Variants in EIF2B3 observed in about 807,000 individuals in gnomAD.
The protein encoded by EIF2B3 is translation initiation factor eIF2B subunit gamma.
EIF2B3 carries 20 observed loss-of-function variants against 54.1 expected under a neutral mutation model. That is an observed-to-expected ratio of 0.37 (90% CI 0.26 to 0.54). EIF2B3 has a LOEUF of 0.54. EIF2B3 is among the 20% of genes least tolerant of loss of function. EIF2B3 has a pLI of 0.86. For synonymous variants in EIF2B3, 153 were observed against 188.1 expected, an observed-to-expected ratio of 0.81 and a Z score of 1.52; for missense variants, 448 against 547.8, an observed-to-expected ratio of 0.82 and a Z score of 1.82.
At chr1:44,896,166 C>T (rs1248927893) in intron 6 of EIF2B3, among the ~76,000 whole-genome samples, 4 of 152,180 alleles carry the variant, frequency 2.6e-5, no homozygotes, top group African/African-American at 9.7e-5. Context: ...TGATCTAGCA[C>T]AATGCCTGGC....
rs1644474175 is a variant in EIF2B3, at chr1:44,978,354, T to G, written c.255A>C (p.Gly85=). Residue 85 remains glycine, a synonymous_variant, in exon 3 of 12, where the codon GGA becomes GGC. Transcript: ENST00000360403. ...IVCIPDDADM[G]TADSLRYIYP... ...ATATGTAGCGCAAAGAATCTGCAGT[T>G]CCCATGTCAGCGTCATCAGGAATAC... 1.2e-6 allele frequency: 2 copies of G among 1,613,976 alleles called. No homozygotes were observed. Among genetic ancestry groups the G allele is most frequent in the Admixed American group, 1.7e-5 (1 of 59,978 alleles).
intron 3 of EIF2B3, among the ~76,000 whole-genome samples, chr1:44,959,654 C>T (rs1644264340): frequency 6.6e-6 from 1 of 152,210 alleles, no homozygotes; most frequent in Non-Finnish European, 1.5e-5. Flanking sequence ...CCTCCCTGTG[C>T]TTTTAAGTCT....
Position 44,985,955 on chromosome 1 carries a change from C to T in EIF2B3, c.-10+538G>A, listed in dbSNP as rs550860994. ...CCTGAAGGCAGAGACCTCACTGCTC[C>T]TCCCTATATTTCACTGCCCTGCATC... is the stretch of plus-strand genomic sequence containing the variant. On this transcript the variant is annotated intron_variant, in intron 1 of 11. Coordinates refer to ENST00000360403, the MANE Select transcript of EIF2B3 (RefSeq NM_020365.5). Among the ~76,000 whole-genome samples the T allele has an allele frequency of 2.2e-3, 338 of 152,252 alleles. 15 individuals carry two copies. In the South Asian group the frequency reaches 0.067, roughly 30 times the overall value.
chr1:44,876,018 G>A (rs550339836), intron 8 of EIF2B3, among the ~76,000 whole-genome samples: 2 of 152,214 alleles, frequency 1.3e-5, no homozygotes, highest in African/African-American at 2.4e-5. Flanking sequence ...GCTCCTAACC[G>A]CGAGTGATCC....
intron 3 of EIF2B3, among the ~76,000 whole-genome samples, chr1:44,975,669 A>G (rs1329075200): frequency 1.3e-5 from 2 of 152,184 alleles, no homozygotes; most frequent in Admixed American, 6.5e-5. Flanking sequence ...AAAAGATTCA[A>G]TATTAAGATG....
At chr1:44,915,302 A>G (rs1643599852) in intron 5 of EIF2B3, among the ~76,000 whole-genome samples, 1 of 151,760 alleles carries the variant, frequency 6.6e-6, no homozygotes, top group Non-Finnish European at 1.5e-5. Context: ...CCTGTCTCAA[A>G]AAAAAAAAAT....
intron 3 of EIF2B3, among the ~76,000 whole-genome samples, chr1:44,976,619 T>C (rs1644455622): frequency 6.6e-6 from 1 of 152,206 alleles, no homozygotes; most frequent in African/African-American, 2.4e-5. Flanking sequence ...AATAGCTTTA[T>C]GCATGATAGC....
intron 10 of EIF2B3, among the ~76,000 whole-genome samples, chr1:44,868,485 A>C (rs1654857938): frequency 6.7e-6 from 1 of 148,574 alleles, no homozygotes. Context: ...CAATTAGGAC[A>C]CTAACACTGG....
Position 44,906,272 on chromosome 1 carries a change from A to C in EIF2B3, c.567-8828T>G, listed in dbSNP as rs114059587. ...CCTTGACCAGAATTATCCCAAGTAC[A>C]CAAGCAATATTCCTACTGTCTTCAG... is the stretch of plus-strand genomic sequence containing the variant. On this transcript the variant is annotated intron_variant, in intron 5 of 11. Coordinates refer to ENST00000360403, the MANE Select transcript of EIF2B3 (RefSeq NM_020365.5). Among the ~76,000 whole-genome samples, 357 of 152,256 alleles carry C rather than the reference A, an allele frequency of 2.3e-3. 2 individuals are homozygous for C. The highest frequency in any genetic ancestry group is 8.3e-3 in the African/African-American group (343 of 41,538).
chr1:44,857,779 T>C lies in EIF2B3; in HGVS notation c.1231A>G (p.Asn411Asp). The C allele has an allele frequency of 1.2e-6, 2 of 1,614,162 alleles. No individual in the cohort carries two copies. Among genetic ancestry groups the C allele is most frequent in the Non-Finnish European group, 1.7e-6 (2 of 1,180,002 alleles). ...GSNIQGSVICNNAVIEKGADI... is the reference protein window; with the variant it reads ...GSNIQGSVICDNAVIEKGADI... ...GCACCCTTCTCGATCACAGCATTGT[T>C]GCAGATGACACTGCCTTGGATATTG... is the stretch of plus-strand genomic sequence containing the variant. Residue 411 changes from asparagine to aspartate, a missense_variant, in exon 11 of 12, where the codon AAC becomes GAC. Asn to Asp is a conservative substitution (Grantham distance 23). Around this residue, in one of 3 missense-constraint regions of EIF2B3, gnomAD observed 350 missense variants for 414.2 expected, o/e 0.85. Coordinates refer to ENST00000360403, the MANE Select transcript of EIF2B3 (RefSeq NM_020365.5).
intron 3 of EIF2B3, chr1:44,969,837 A>C (rs920855558): frequency 6.6e-6 from 1 of 152,184 alleles, no homozygotes; most frequent in African/African-American, 2.4e-5. Flanking sequence ...GTTGACTCTG[A>C]ATATTTACTA....
intron 4 of EIF2B3, among the ~76,000 whole-genome samples, chr1:44,937,799 C>G (rs368704921): frequency 9.6e-5 from 14 of 145,236 alleles, no homozygotes; most frequent in African/African-American, 2.8e-4. Flanking sequence ...CAGGAGAATG[C>G]CGTGAACCCG....
In EIF2B3 at chr1:44,889,639, G is replaced by A. The variant is rs541271375; in HGVS notation, c.656+7716C>T. 5.5e-4 allele frequency among the ~76,000 whole-genome samples: 83 copies of A among 151,414 alleles called. 1 individual carries two copies. In the South Asian group the frequency reaches 0.015, roughly 27 times the overall value. On this transcript the variant is annotated intron_variant, in intron 6 of 11. Coordinates refer to ENST00000360403, the MANE Select transcript of EIF2B3 (RefSeq NM_020365.5). The stretch of plus-strand genomic sequence containing the variant: ...AAAAGGAGTCTTGCTTTGTTCCAGC[G>A]ATTCTCAGCCTCCTGAGTAGCTAGG...
Position 44,869,537 on chromosome 1 carries a change from T to C in EIF2B3, c.1202+5141A>G, listed in dbSNP as rs1467134602. Reference sequence around the variant, plus strand: ...TAGTACTCCCAATAAACCTACAAGGTAGTTCAGTTTTACCCCCATTTTATA... The same window carrying C: ...TAGTACTCCCAATAAACCTACAAGGCAGTTCAGTTTTACCCCCATTTTATA... On this transcript the variant is annotated intron_variant, in intron 10 of 11. Coordinates refer to ENST00000360403, the MANE Select transcript of EIF2B3 (RefSeq NM_020365.5). 2.0e-5 allele frequency among the ~76,000 whole-genome samples: 3 copies of C among 148,658 alleles called. No individual in the cohort carries two copies. In the East Asian group the frequency reaches 5.9e-4, roughly 29 times the overall value.
intron 3 of EIF2B3, among the ~76,000 whole-genome samples, chr1:44,971,155 G>A (rs1388666259): frequency 2.0e-5 from 3 of 152,092 alleles, no homozygotes; most frequent in African/African-American, 4.8e-5. Flanking sequence ...AGGCCGAGGC[G>A]GGCGGATCCC....
Position 44,950,918 on chromosome 1 carries a change from G to A in EIF2B3, c.295-9253C>T, listed in dbSNP as rs559238259. Among the ~76,000 whole-genome samples the A allele has an allele frequency of 6.2e-4, 92 of 148,110 alleles. 2 individuals carry two copies. The highest frequency in any genetic ancestry group is 1.1e-3 in the Non-Finnish European group (74 of 66,006). ...TGGCCAGGCTGGTTTCAAACTCCTA[G>A]CCTCAAGTGATCCACCCACCTTGGC... On this transcript the variant is annotated intron_variant, in intron 3 of 11. Transcript: ENST00000360403.
intron 11 of EIF2B3, among the ~76,000 whole-genome samples, chr1:44,854,049 C>A (rs923388571): frequency 8.2e-5 from 12 of 145,816 alleles, no homozygotes; most frequent in African/African-American, 2.7e-4. Flanking sequence ...GTTGCCCAGG[C>A]TGGAGTGCAG....
chr1:44,868,258 C>T (rs1159097420), intron 10 of EIF2B3, among the ~76,000 whole-genome samples: 3 of 151,438 alleles, frequency 2.0e-5, no homozygotes, highest in East Asian at 2.0e-4. Flanking sequence ...ATTAGCTGGG[C>T]GTGGTGGCGG....
Position 44,850,693 on chromosome 1 carries a change from T to C in EIF2B3, c.*258A>G, listed in dbSNP as rs1419224375. ...ACAGCTGCTGCCCCACCGATACATC[T>C]TGGCACACAAGAGTTAGGCCACTGT... On this transcript the variant is annotated 3_prime_UTR_variant, in exon 12 of 12. Coordinates refer to ENST00000360403, the MANE Select transcript of EIF2B3 (RefSeq NM_020365.5). The C allele has an allele frequency of 9.1e-6, 5 of 550,958 alleles. No homozygotes were observed. Among genetic ancestry groups the C allele is most frequent in the South Asian group, 4.4e-5 (2 of 45,018 alleles). The allele number at this position is 550,958 out of a possible 1,614,324, so 34.1% of individuals were successfully genotyped here. A position where few individuals can be genotyped will look rare whatever the true frequency, so the allele number is the denominator to read the frequency against.
Sources: allele counts gnomAD v4.1 joint callset (sites outside exome capture counted in the v4.1 genomes callset), GRCh38; gene constraint gnomAD v4.1.1; regional missense constraint gnomAD v4.1.1; transcripts MANE v1.5; gene names NCBI Gene and HGNC (gene_info 2026-07-23, HGNC 2026-07-21).